The following KCNIP1 variants were observed in gnomAD, a reference collection of about 807,000 sequenced individuals.
KCNIP1 encodes the protein A-type potassium channel modulatory protein KCNIP1.
A neutral mutation model predicts 33.0 loss-of-function variants in KCNIP1; 18 were observed. That is an observed-to-expected ratio of 0.55 (90% CI 0.38 to 0.81). The LOEUF is 0.81. Ranked by LOEUF, KCNIP1 falls within the 30% of genes least tolerant of loss-of-function variation. The pLI is 0.00. For synonymous variants in KCNIP1, 93 were observed against 98.3 expected, an observed-to-expected ratio of 0.95 and a Z score of 0.32; for missense variants, 238 against 271.6, an observed-to-expected ratio of 0.88 and a Z score of 0.87.
chr5:170,526,203 A>G lies in KCNIP1; in HGVS notation c.61+21570A>G, dbSNP rs888187719. Among the ~76,000 whole-genome samples, 5 of 152,268 alleles carry G rather than the reference A, an allele frequency of 3.3e-5. No individual in the cohort carries two copies. The East Asian group carries it at 9.7e-4, about 29-fold the overall frequency. On this transcript the variant is annotated intron_variant, in intron 1 of 7. Transcript: ENST00000328939. ...GGGCACCCCAATACCCTCATTTGTA[A>G]AGTTCAACCTACATGCTGTGACTGT...
chr5:170,581,697 A>G (rs936462131), intron 1 of KCNIP1, among the ~76,000 whole-genome samples: 1 of 152,260 alleles, frequency 6.6e-6, no homozygotes, highest in African/African-American at 2.4e-5. Flanking sequence ...TACCTCACTT[A>G]TTAAAATAAT....
intron 1 of KCNIP1, among the ~76,000 whole-genome samples, chr5:170,657,953 C>T (rs1436304591): frequency 6.6e-6 from 1 of 152,190 alleles, no homozygotes; most frequent in East Asian, 1.9e-4. Flanking sequence ...GACAGGGACA[C>T]AGATGTGATA....
chr5:170,378,686 T>A lies in KCNIP1; in HGVS notation c.88+24722T>A, dbSNP rs752174051. 12 of 1,589,900 alleles carry A rather than the reference T, an allele frequency of 7.5e-6. No homozygotes were observed. The highest frequency in any genetic ancestry group is 8.6e-6 in the Non-Finnish European group (10 of 1,168,518). On this transcript the variant is annotated intron_variant, in intron 1 of 7. Transcript: ENST00000377360. ...GTCCCCTGTGCCCTGACAAGTGGTA[T>A]GGCATGGATGGATGGCTCTACTTCT...
chr5:170,508,271 C>G (rs552022963), intron 1 of KCNIP1, among the ~76,000 whole-genome samples: 1 of 152,204 alleles, frequency 6.6e-6, no homozygotes, highest in Admixed American at 6.5e-5. Context: ...TGAGCTATGA[C>G]TCAACCCCAT....
chr5:170,714,946 C>T (rs1195443934), intron 1 of KCNIP1, among the ~76,000 whole-genome samples: 1 of 151,982 alleles, frequency 6.6e-6, no homozygotes, highest in East Asian at 1.9e-4. Context: ...TAAAGCCTAC[C>T]TCATGTTTAG....
chr5:170,548,562 G>A (rs920778694), intron 1 of KCNIP1, among the ~76,000 whole-genome samples: 4 of 152,180 alleles, frequency 2.6e-5, no homozygotes, highest in Non-Finnish European at 4.4e-5. Context: ...CCATGTGAGA[G>A]CTCACATATG....
chr5:170,429,953 G>A (rs1015099774), intron 1 of KCNIP1, among the ~76,000 whole-genome samples: 1 of 152,148 alleles, frequency 6.6e-6, no homozygotes, highest in African/African-American at 2.4e-5. Context: ...GGTAGACCCA[G>A]GTATTTCAGA....
Position 170,665,094 on chromosome 5 carries a change from G to A in KCNIP1, c.62-53664G>A, listed in dbSNP as rs144318170. Reference sequence around the variant, plus strand: ...GGAATGGAAGCCCGAACCCCCAGAAGCCTTTTCTGCAAAAGGACCAGGGCT... The same window carrying A: ...GGAATGGAAGCCCGAACCCCCAGAAACCTTTTCTGCAAAAGGACCAGGGCT... On this transcript the variant is annotated intron_variant, in intron 1 of 7. Transcript: ENST00000328939. Among the ~76,000 whole-genome samples, 665 of 152,274 alleles carry A rather than the reference G, an allele frequency of 4.4e-3. 6 individuals carry two copies. The highest frequency in any genetic ancestry group is 0.013 in the African/African-American group (545 of 41,552).
intron 1 of KCNIP1, among the ~76,000 whole-genome samples, chr5:170,485,563 G>A (rs1229185585): frequency 2.0e-5 from 3 of 152,152 alleles, no homozygotes; most frequent in African/African-American, 7.2e-5. Flanking sequence ...GTGCCTCCAG[G>A]AATCATCAAG....
At chr5:170,428,451 T>C (rs1054773110) in intron 1 of KCNIP1, among the ~76,000 whole-genome samples, 1 of 151,930 alleles carries the variant, frequency 6.6e-6, no homozygotes, top group African/African-American at 2.4e-5. Context: ...AAAACAATAT[T>C]CCAGGCTGAT....
At chr5:170,367,404 A>G (rs560541447) in intron 1 of KCNIP1, among the ~76,000 whole-genome samples, 1 of 122,624 alleles carries the variant, frequency 8.2e-6, no homozygotes, top group African/African-American at 3.2e-5. Flanking sequence ...AAAGAAAGAA[A>G]GAAAGAAAGA....
At position 170,565,663 on chromosome 5, in the gene KCNIP1, T is replaced by C. The variant is rs192205860; in HGVS notation, c.61+61030T>C. On this transcript the variant is annotated intron_variant, in intron 1 of 7. Coordinates refer to ENST00000328939, the MANE Select transcript of KCNIP1 (RefSeq NM_014592.4). ...CATTAATTTTATATAAGAAGCAATA[T>C]GCTATTTGGTTCAAGGCATGTGTTT... is the stretch of plus-strand genomic sequence containing the variant. 3.5e-4 allele frequency among the ~76,000 whole-genome samples: 54 copies of C among 152,334 alleles called. No individual in the cohort carries two copies. The Middle Eastern group carries it at 0.034, about 96-fold the overall frequency.
rs2113234853 is a variant in KCNIP1 at position 170,504,268 on chromosome 5, C to A, written c.-305C>A. 1 of 1,183,714 alleles carries A rather than the reference C, an allele frequency of 8.4e-7. No homozygotes were observed. The highest frequency in any genetic ancestry group is 3.1e-5 in the South Asian group (1 of 32,404). The allele number at this position is 1,183,714 out of a possible 1,614,324, so 73.3% of individuals were successfully genotyped here. A position where few individuals can be genotyped will look rare whatever the true frequency, so the allele number is the denominator to read the frequency against. ...CTCTGGCCCCGTGTCCAGTGCCAGG[C>A]AGGCTTCAGGGCACCGTCCTCGGCC... On this transcript the variant is annotated 5_prime_UTR_variant, in exon 1 of 8. Transcript: ENST00000328939. This position sits in a 1 kb window ranked among gnomAD's most constrained non-coding sequence, Gnocchi z 6.0.
chr5:170,590,934 G>A (rs1758228132), intron 1 of KCNIP1, among the ~76,000 whole-genome samples: 1 of 152,184 alleles, frequency 6.6e-6, no homozygotes, highest in Non-Finnish European at 1.5e-5. Flanking sequence ...GGTTTGTATG[G>A]GGCAGGCCTG....
intron 1 of KCNIP1, among the ~76,000 whole-genome samples, chr5:170,402,217 C>CT (rs1421663046): frequency 6.8e-6 from 1 of 147,272 alleles, no homozygotes; most frequent in East Asian, 2.0e-4. Context: ...TCTACAAAGA[C>CT]TCTTTTTTTC....
At chr5:170,630,735 C>T (rs1207163015) in intron 1 of KCNIP1, among the ~76,000 whole-genome samples, 1 of 152,180 alleles carries the variant, frequency 6.6e-6, no homozygotes, top group East Asian at 1.9e-4. Flanking sequence ...ATCACAGCCT[C>T]TCCATCCACA....
intron 1 of KCNIP1, among the ~76,000 whole-genome samples, chr5:170,528,359 C>T (rs1212981286): frequency 2.6e-5 from 4 of 152,200 alleles, no homozygotes; most frequent in African/African-American, 9.6e-5. Flanking sequence ...CTAACACCAT[C>T]GGGTGACTGC....
chr5:170,578,279 A>G (rs952790267), intron 1 of KCNIP1, among the ~76,000 whole-genome samples: 1 of 152,202 alleles, frequency 6.6e-6, no homozygotes, highest in Admixed American at 6.5e-5. Flanking sequence ...TCTGAGTGCC[A>G]TGGTTCAGAG....
intron 1 of KCNIP1, among the ~76,000 whole-genome samples, chr5:170,623,866 C>T (rs1435391014): frequency 6.6e-6 from 1 of 152,188 alleles, no homozygotes; most frequent in East Asian, 1.9e-4. Flanking sequence ...GCCTCCAGCC[C>T]TTCCAAATCT....
Sources: gnomAD v4.1 joint callset for allele counts (sites outside exome capture counted in the v4.1 genomes callset) on GRCh38, gnomAD v4.1.1 for gene constraint, Gnocchi (gnomAD v3.1) non-coding constraint, MANE v1.5 for transcripts, NCBI Gene and HGNC (gene_info 2026-07-23, HGNC 2026-07-21) for gene names.